MYLIP: variants seen among roughly 807,000 people sequenced by gnomAD.
The protein encoded by MYLIP is myosin regulatory light chain interacting protein, also known as E3 ubiquitin-protein ligase MYLIP.
MYLIP carries 26 observed loss-of-function variants against 45.8 expected under a neutral mutation model. The ratio of observed to expected loss-of-function variants is 0.57; its 90% CI spans 0.42 to 0.79. The LOEUF (loss-of-function observed/expected upper bound fraction) is 0.79. Among genes scored for constraint, MYLIP ranks in the 30% least tolerant of loss-of-function variants. The pLI is 0.00. For missense variants in MYLIP, 494 were observed against 555.6 expected (o/e 0.89, Z 1.11); for synonymous variants, 213 against 218.1 (o/e 0.98, Z 0.21).
At chr6:16,149,807 T>G (rs1561792384), downstream of MYLIP, among the ~76,000 whole-genome samples, 1 of 152,174 alleles carries the variant, frequency 6.6e-6, no homozygotes, top group Non-Finnish European at 1.5e-5. Flanking sequence ...AGAAATATGG[T>G]CAGCATTACT....
chr6:16,143,933 T>C, intron 5 of MYLIP, 70 bp downstream of exon 5: 3 of 1,519,212 alleles, frequency 2.0e-6, no homozygotes, highest in Non-Finnish European at 2.7e-6. Context: ...ACCAGGTTTC[T>C]ACGGTTCCTT....
Position 16,130,433 on chromosome 6 carries a change from G to A in MYLIP, c.88-124G>A, listed in dbSNP as rs185427083. ...CGTGGAACTTTGTTTTTCCAGTTTAGATCAGGAATTGTAACACCATTGAAC... is the reference window on the plus strand; with the variant it reads ...CGTGGAACTTTGTTTTTCCAGTTTAAATCAGGAATTGTAACACCATTGAAC... On this transcript the variant is annotated intron_variant, in intron 1 of 6. Transcript: ENST00000356840. The A allele has an allele frequency of 1.0e-4, 98 of 940,244 alleles. No homozygotes were observed. In the African/African-American group the frequency reaches 1.4e-3, roughly 14 times the overall value. The allele number at this position is 940,244 out of a possible 1,614,324, so 58.2% of individuals were successfully genotyped here.
chr6:16,141,392 T>C (rs1174792089), intron 2 of MYLIP, among the ~76,000 whole-genome samples: 2 of 152,250 alleles, frequency 1.3e-5, no homozygotes, highest in African/African-American at 4.8e-5. Flanking sequence ...ACCGAACTTG[T>C]GTTAAATAAG....
intron 2 of MYLIP, among the ~76,000 whole-genome samples, chr6:16,135,705 G>T (rs987120724): frequency 7.1e-6 from 1 of 140,102 alleles, no homozygotes; most frequent in Non-Finnish European, 1.5e-5. Context: ...TTTTTTACAG[G>T]GAACACCTAT....
chr6:16,139,579 G>A (rs187957335), intron 2 of MYLIP, among the ~76,000 whole-genome samples: 2 of 152,322 alleles, frequency 1.3e-5, no homozygotes, highest in Non-Finnish European at 2.9e-5. Context: ...CCAAGATGAA[G>A]TTTATCAAAT....
chr6:16,144,484 A>C (rs1000683425), intron 5 of MYLIP, among the ~76,000 whole-genome samples: 4 of 152,356 alleles, frequency 2.6e-5, no homozygotes, highest in African/African-American at 9.6e-5. Context: ...AAAGCTAAGA[A>C]ATTTAAGTCG....
the MYLIP span, among the ~76,000 whole-genome samples, chr6:16,161,593 G>A: frequency 6.6e-6 from 1 of 152,152 alleles, no homozygotes; most frequent in Non-Finnish European, 1.5e-5. Context: ...TTTTCTTCAG[G>A]CTGCTTTGAA....
Position 16,144,877 on chromosome 6 carries a change from T to C in MYLIP, c.828-20T>C, listed in dbSNP as rs200099792. 40 of 1,596,284 alleles carry C rather than the reference T, an allele frequency of 2.5e-5. No homozygotes were observed. The highest frequency in any genetic ancestry group is 3.4e-5 in the Non-Finnish European group (40 of 1,169,190). On this transcript the variant is annotated intron_variant, in intron 5 of 6. Coordinates refer to ENST00000356840, the MANE Select transcript of MYLIP (RefSeq NM_013262.4). ...CCAGGCTCTTTGGTGTTAAAGTAGATGTTCAATCTTGCCTTGCAGGTGTGA... is the reference window on the plus strand; with the variant it reads ...CCAGGCTCTTTGGTGTTAAAGTAGACGTTCAATCTTGCCTTGCAGGTGTGA...
At chr6:16,135,545 T>G (rs1466344636) in intron 2 of MYLIP, among the ~76,000 whole-genome samples, 2 of 152,032 alleles carry the variant, frequency 1.3e-5, no homozygotes, top group Admixed American at 6.6e-5. Flanking sequence ...CTGTGACAAG[T>G]TTCTCAGTGG....
the MYLIP span, chr6:16,161,269 A>G: frequency 8.1e-6 from 3 of 370,148 alleles, no homozygotes; most frequent in African/African-American, 2.1e-5. Flanking sequence ...CCAGACCTTC[A>G]GCCTTCATGC....
chr6:16,138,191 A>C (rs1350738822), intron 2 of MYLIP, among the ~76,000 whole-genome samples: 1 of 152,154 alleles, frequency 6.6e-6, no homozygotes, highest in East Asian at 1.9e-4. Flanking sequence ...TGATTCTAGG[A>C]TGTAGCCTCT....
chr6:16,145,229 G>A lies in MYLIP; in HGVS notation c.1160G>A (p.Cys387Tyr). 6.2e-7 allele frequency: 1 copy of A among 1,614,040 alleles called. No homozygotes were observed. Among genetic ancestry groups the A allele is most frequent in the Non-Finnish European group, 8.5e-7 (1 of 1,179,952 alleles). The change falls in exon 6 of 7, where the codon TGC becomes TAC. Residue 387 changes from cysteine to tyrosine, a missense_variant. Physicochemically the swap from Cys to Tyr is radical, Grantham distance 194. Coordinates refer to ENST00000356840, the MANE Select transcript of MYLIP (RefSeq NM_013262.4). ...CGCAAGCTGAAGGAAGCCATGCTGT[G>A]CATGGTGTGCTGCGAGGAGGAGATC... ...KLRKLKEAML[C>Y]MVCCEEEINS...
At chr6:16,144,767 G>A in intron 5 of MYLIP, 130 bp from the exon 6 acceptor site, 3 of 1,004,130 alleles carry the variant, frequency 3.0e-6, no homozygotes, top group Non-Finnish European at 4.4e-6. Context: ...AAAACTGGAA[G>A]GACTTACTTT....
the MYLIP span, among the ~76,000 whole-genome samples, chr6:16,153,295 T>C: frequency 6.6e-6 from 1 of 152,202 alleles, no homozygotes; most frequent in South Asian, 2.1e-4. Context: ...GATAAAAATA[T>C]AGCACAGCTT....
At chr6:16,139,805 CTTT>C (rs1759629301) in intron 2 of MYLIP, among the ~76,000 whole-genome samples, 1 of 152,160 alleles carries the variant, frequency 6.6e-6, no homozygotes, top group East Asian at 1.9e-4. Flanking sequence ...TCTTTATCTT[CTTT>C]GAGGCTATTA....
the MYLIP span, among the ~76,000 whole-genome samples, chr6:16,156,205 T>G: frequency 6.6e-6 from 1 of 152,074 alleles, no homozygotes; most frequent in Non-Finnish European, 1.5e-5. Context: ...CATGGGTGGT[T>G]TTGGAAAAGT....
intron 5 of MYLIP, among the ~76,000 whole-genome samples, chr6:16,144,242 C>T (rs1450301257): frequency 6.6e-6 from 1 of 152,152 alleles, no homozygotes; most frequent in Non-Finnish European, 1.5e-5. Context: ...TTTACTTAGT[C>T]TAGGACTCAG....
rs187088250 is a variant in MYLIP, at chr6:16,143,418, G to A, written c.662+201G>A. ...AGGTATACAATGTGGCAGAGTTAAC[G>A]TTTTCCAAATAACCCATTCACTGCC... On this transcript the variant is annotated intron_variant, in intron 4 of 6. Transcript: ENST00000356840. 1.3e-3 allele frequency among the ~76,000 whole-genome samples: 197 copies of A among 152,236 alleles called. No individual in the cohort carries two copies. In the Middle Eastern group the frequency reaches 0.02, roughly 16 times the overall value.
At position 16,147,784 on chromosome 6, in the gene MYLIP, T is replaced by C. The variant is rs1168591687; in HGVS notation, c.*1033T>C. 1.3e-5 allele frequency: 2 copies of C among 152,696 alleles called. No homozygotes were observed. Among genetic ancestry groups the C allele is most frequent in the African/African-American group, 2.4e-5 (1 of 41,456 alleles). 9.5% of individuals were successfully genotyped at this position (152,696 alleles called of 1,614,324 possible). ...GTTGTGTTTTTTTAAAGTAAGTGCT[T>C]AAGTATTAACTTTGGGTTGTCCCCT... On this transcript the variant is annotated 3_prime_UTR_variant, in exon 7 of 7. Transcript: ENST00000356840.
Sources: allele counts gnomAD v4.1 joint callset (sites outside exome capture counted in the v4.1 genomes callset), GRCh38; gene constraint gnomAD v4.1.1; transcripts MANE v1.5; gene names NCBI Gene and HGNC (gene_info 2026-07-23, HGNC 2026-07-21).